TCERG1: variants seen among roughly 807,000 people sequenced by gnomAD.
TCERG1 encodes transcription elongation regulator 1, also known as TATA box binding protein (TBP)-associated factor, RNA polymerase II, S, 150kD.
A neutral mutation model predicts 144.7 loss-of-function variants in TCERG1; 37 were observed. The ratio of observed to expected loss-of-function variants is 0.26; its 90% CI spans 0.20 to 0.34. The LOEUF is 0.34. Among genes scored for constraint, TCERG1 ranks in the 10% least tolerant of loss-of-function variants. The pLI is 1.00. For missense variants in TCERG1, 1,027 were observed against 1,380.7 expected, an observed-to-expected ratio of 0.74 and a Z score of 4.06; for synonymous variants, 492 against 458.2, an observed-to-expected ratio of 1.07 and a Z score of -0.94.
chr5:146,480,293 G>T (rs1765232975), intron 12 of TCERG1, 199 bp downstream of exon 12: 2 of 402,778 alleles, frequency 5.0e-6, no homozygotes, highest in South Asian at 4.3e-5. Context: ...GAAGATTTGG[G>T]TATTCATATA....
intron 2 of TCERG1, among the ~76,000 whole-genome samples, chr5:146,456,131 G>A (rs1762816592): frequency 6.6e-6 from 1 of 152,178 alleles, no homozygotes; most frequent in South Asian, 2.1e-4. Flanking sequence ...TGTTTAGGTA[G>A]GGTTGTGGTT....
chr5:146,498,445 A>G, intron 16 of TCERG1, 91 bp from the exon 17 acceptor site: 15 of 1,383,584 alleles, frequency 1.1e-5, no homozygotes, highest in Non-Finnish European at 1.3e-5. Flanking sequence ...TCTTTGTCAT[A>G]TACTCTTGTT....
intron 8 of TCERG1, 24 bp downstream of exon 8, chr5:146,470,772 C>T (rs773717859): frequency 1.7e-5 from 26 of 1,531,814 alleles, no homozygotes; most frequent in Non-Finnish European, 2.2e-5. Context: ...ACCTGTTAAC[C>T]TGGGAGCCAC....
intron 21 of TCERG1, among the ~76,000 whole-genome samples, chr5:146,508,700 A>G (rs1280623100): frequency 6.6e-6 from 1 of 152,212 alleles, no homozygotes; most frequent in Non-Finnish European, 1.5e-5. Flanking sequence ...TTACTGTGTA[A>G]GTTAAGTATT....
At chr5:146,470,794 C>G in intron 8 of TCERG1, 46 bp downstream of exon 8, 1 of 1,374,234 alleles carries the variant, frequency 7.3e-7, no homozygotes, top group Non-Finnish European at 1.0e-6. Flanking sequence ...TTAATTGTTT[C>G]CTACAGCTTA....
At chr5:146,482,799 C>A in intron 14 of TCERG1, 72 bp downstream of exon 14, 2 of 1,474,786 alleles carry the variant, frequency 1.4e-6, no homozygotes, top group South Asian at 1.5e-5. Context: ...GCTAAAAGGT[C>A]AAATCTAAGG....
intron 1 of TCERG1, among the ~76,000 whole-genome samples, chr5:146,450,891 G>A (rs1345829355): frequency 2.6e-5 from 4 of 152,266 alleles, no homozygotes; most frequent in Non-Finnish European, 5.9e-5. Context: ...CACCCTAAAT[G>A]TTTCACCGGG....
intron 1 of TCERG1, among the ~76,000 whole-genome samples, chr5:146,454,742 C>T (rs1179863404): frequency 6.6e-6 from 1 of 152,074 alleles, no homozygotes; most frequent in African/African-American, 2.4e-5. Flanking sequence ...GACTTACAGG[C>T]GTGCGCCTCC....
At chr5:146,456,898 A>G (rs1029104022) in intron 2 of TCERG1, among the ~76,000 whole-genome samples, 1 of 152,224 alleles carries the variant, frequency 6.6e-6, no homozygotes, top group Non-Finnish European at 1.5e-5. Flanking sequence ...TAAAAAAAGT[A>G]ATCCAGCGCC....
At chr5:146,482,527 G>A (rs1319876133) in intron 13 of TCERG1, 65 bp from the exon 14 acceptor site, 1 of 1,467,608 alleles carries the variant, frequency 6.8e-7, no homozygotes, top group East Asian at 2.4e-5. Context: ...TTGATTTTAA[G>A]ATTTCTAATA....
intron 19 of TCERG1, among the ~76,000 whole-genome samples, chr5:146,506,267 T>C (rs997184121): frequency 6.6e-6 from 1 of 152,268 alleles, no homozygotes; most frequent in Non-Finnish European, 1.5e-5. Context: ...ACATTGGCAG[T>C]AGTGTGGCTT....
At chr5:146,480,262 CCTT>C (rs1420260027) in intron 12 of TCERG1, 168 bp downstream of exon 12, 4 of 441,752 alleles carry the variant, frequency 9.1e-6, no homozygotes, top group Non-Finnish European at 1.6e-5. Flanking sequence ...AAAATGTGTC[CCTT>C]CTTTTGCTAG....
At chr5:146,503,791 G>A (rs1479217040) in intron 18 of TCERG1, 33 bp from the exon 19 acceptor site, 1 of 1,551,012 alleles carries the variant, frequency 6.4e-7, no homozygotes, top group Non-Finnish European at 8.7e-7. Context: ...GATGGAGTTG[G>A]TAAGAAGGAT....
Position 146,498,696 on chromosome 5 carries a change from T to C in TCERG1, c.2433+10T>C. ...GACCAGAGGTGAGAAGGTAAGATGG[T>C]TTTAGTTCCAGTGGTGTGATTGATG... On this transcript the variant is annotated intron_variant, in intron 17 of 22. Coordinates refer to ENST00000679501, the MANE Select transcript of TCERG1 (RefSeq NM_001382548.1). 6.2e-7 allele frequency: 1 copy of C among 1,604,508 alleles called. No homozygotes were observed. Among genetic ancestry groups the C allele is most frequent in the South Asian group, 1.1e-5 (1 of 89,358 alleles).
chr5:146,496,424 T>A (rs990309923), intron 16 of TCERG1, among the ~76,000 whole-genome samples: 1 of 152,178 alleles, frequency 6.6e-6, no homozygotes, highest in Non-Finnish European at 1.5e-5. Context: ...TTCCCCTACC[T>A]CAGTCTTTTT....
chr5:146,457,662 A>G, intron 3 of TCERG1, among the ~76,000 whole-genome samples: 1 of 152,246 alleles, frequency 6.6e-6, no homozygotes, highest in East Asian at 1.9e-4. Context: ...AGCCATTCTT[A>G]TCAGTAAGGG....
chr5:146,484,881 T>C (rs1283931904), intron 15 of TCERG1, among the ~76,000 whole-genome samples: 1 of 152,182 alleles, frequency 6.6e-6, no homozygotes, highest in East Asian at 1.9e-4. Flanking sequence ...TTATCATCTG[T>C]GTAGCCTATT....
At chr5:146,479,788 T>C in intron 10 of TCERG1, 67 bp from the exon 11 acceptor site, 1 of 1,540,894 alleles carries the variant, frequency 6.5e-7, no homozygotes, top group South Asian at 1.2e-5. Flanking sequence ...ACAGTAATTT[T>C]TAAAAAGAAA....
At chr5:146,458,272 G>A (rs1452141914) in intron 3 of TCERG1, among the ~76,000 whole-genome samples, 1 of 151,246 alleles carries the variant, frequency 6.6e-6, no homozygotes, top group Non-Finnish European at 1.5e-5. Context: ...CGCCTCCCGG[G>A]TTCAAGTGAT....
Sources: allele counts gnomAD v4.1 joint callset (sites outside exome capture counted in the v4.1 genomes callset), GRCh38; gene constraint gnomAD v4.1.1; transcripts MANE v1.5; gene names NCBI Gene and HGNC (gene_info 2026-07-23, HGNC 2026-07-21).